The following CAND1 variants were observed in gnomAD, a reference collection of about 807,000 sequenced individuals.
The protein encoded by CAND1 is cullin associated and neddylation dissociated 1.
In CAND1, 7 loss-of-function variants were observed where a neutral mutation model predicts 108.5. The ratio of observed to expected loss-of-function variants is 0.06; its 90% confidence interval spans 0.04 to 0.12. The LOEUF is 0.12. CAND1 is among the 10% of genes least tolerant of loss of function. The probability of loss-of-function intolerance (pLI) is 1.00; values close to 1 mark genes in which losing one functional copy is unlikely to be tolerated. For missense variants in CAND1, 941 were observed against 1,448.7 expected, an observed-to-expected ratio of 0.65 and a Z score of 5.69; for synonymous variants, 534 against 512.0, an observed-to-expected ratio of 1.04 and a Z score of -0.58.
Position 67,277,412 on chromosome 12 carries a change from G to A in CAND1, c.69-4498G>A, listed in dbSNP as rs76785613. Among the ~76,000 whole-genome samples the A allele has an allele frequency of 2.7e-3, 406 of 152,216 alleles. 1 individual carries two copies. The highest frequency in any genetic ancestry group is 9.5e-3 in the African/African-American group (396 of 41,534). The stretch of plus-strand genomic sequence containing the variant: ...TAACATTGAATTCACAGCCAATAAA[G>A]AAGCTTATCTAACACATATGTTTTT... On this transcript the variant is annotated intron_variant, in intron 1 of 14. Coordinates refer to ENST00000545606, the MANE Select transcript of CAND1 (RefSeq NM_018448.5).
At chr12:67,304,223 C>G (rs543117376) in intron 8 of CAND1, among the ~76,000 whole-genome samples, 1 of 152,142 alleles carries the variant, frequency 6.6e-6, no homozygotes, top group South Asian at 2.1e-4. Flanking sequence ...TTCTTGACCT[C>G]GTGATCTGCC....
At chr12:67,291,162 C>T (rs182590020) in intron 2 of CAND1, among the ~76,000 whole-genome samples, 20 of 152,308 alleles carry the variant, frequency 1.3e-4, no homozygotes, top group Admixed American at 7.2e-4. Context: ...GACTTTCCTC[C>T]ATCCTCAAGA....
rs2044970724 is a variant in CAND1, at chr12:67,313,146, G to A, written c.*316G>A. 5.5e-6 allele frequency: 1 copy of A among 182,524 alleles called. No homozygotes were observed. The highest frequency in any genetic ancestry group is 6.2e-5 in the Admixed American group (1 of 16,164). The allele number at this position is 182,524 out of a possible 1,614,324, so 11.3% of individuals were successfully genotyped here. On this transcript the variant is annotated 3_prime_UTR_variant, in exon 15 of 15. Coordinates refer to ENST00000545606, the MANE Select transcript of CAND1 (RefSeq NM_018448.5). ...GTCCAGTATCTATTTACCCTGTAAT[G>A]TTTAGGATTAAAATGTTAAAATTTT...
chr12:67,276,486 TAAGGAAGTG>T (rs2044570621), intron 1 of CAND1, among the ~76,000 whole-genome samples: 1 of 152,158 alleles, frequency 6.6e-6, no homozygotes, highest in Admixed American at 6.5e-5. Flanking sequence ...GGAAAGAGTC[TAAGGAAGTG>T]AAGCCTTGCT....
Position 67,309,190 on chromosome 12 carries a change from T to C in CAND1, c.3026-711T>C, listed in dbSNP as rs75214360. Reference sequence around the variant, plus strand: ...TGCACAAAATCATACATTTAACAAGTAAAATGATTTGAACCACCAACCATG... The same window carrying C: ...TGCACAAAATCATACATTTAACAAGCAAAATGATTTGAACCACCAACCATG... On this transcript the variant is annotated intron_variant, in intron 11 of 14. Coordinates refer to ENST00000545606, the MANE Select transcript of CAND1 (RefSeq NM_018448.5). 7.4e-3 allele frequency among the ~76,000 whole-genome samples: 1,123 copies of C among 152,124 alleles called. 22 individuals carry two copies. The highest frequency in any genetic ancestry group is 0.025 in the African/African-American group (1,057 of 41,546).
At chr12:67,299,143 A>G in intron 7 of CAND1, 48 bp downstream of exon 7, 1 of 1,449,670 alleles carries the variant, frequency 6.9e-7, no homozygotes, top group Non-Finnish European at 9.1e-7. Context: ...AAAGACACTT[A>G]TAGATGGAGA....
rs528695172 is a variant in CAND1, at chr12:67,318,924, C to G, written c.*6094C>G. On this transcript the variant is annotated 3_prime_UTR_variant, in exon 15 of 15. Transcript: ENST00000545606. ...GAGATGAAATGTCTTGAGGAATGAG[C>G]TCTTAGAAGAATAGTTTTCAAATGA... 2.4e-4 allele frequency: 37 copies of G among 152,290 alleles called. No individual in the cohort carries two copies. The highest frequency in any genetic ancestry group is 8.2e-4 in the African/African-American group (34 of 41,548). 9.4% of individuals were successfully genotyped at this position (152,290 alleles called of 1,614,324 possible).
chr12:67,279,032 A>C (rs2044595946), intron 1 of CAND1, among the ~76,000 whole-genome samples: 1 of 152,156 alleles, frequency 6.6e-6, no homozygotes, highest in South Asian at 2.1e-4. Context: ...GGTTCTTATT[A>C]CACAGTGTAT....
rs186321967 is a variant in CAND1 at position 67,291,097 on chromosome 12, G to A, written c.213-1525G>A. 1.9e-4 allele frequency among the ~76,000 whole-genome samples: 29 copies of A among 152,268 alleles called. No homozygotes were observed. In the East Asian group the frequency reaches 5.6e-3, roughly 29 times the overall value. On this transcript the variant is annotated intron_variant, in intron 2 of 14. Transcript: ENST00000545606. ...AATGGTTGGGAACTGCTGTCTTAAT[G>A]AGATTCATGTACCAAACTTACCTAC...
In CAND1 at chr12:67,312,800, T is replaced by C. The variant is rs140282604; in HGVS notation, c.3663T>C (p.Ser1221=). ...AAAGTATCCAGAAAGATTCATCATC[T>C]ACTAACTTGGAATCAATGGACACTA... ...IFESIQKDSS[S]TNLESMDTS is the part of the protein sequence containing the mutation. The change falls in exon 15 of 15, where the codon TCT becomes TCC. Residue 1221 remains serine, a synonymous_variant. Transcript: ENST00000545606. The C allele has an allele frequency of 4.3e-6, 7 of 1,612,794 alleles. No homozygotes were observed. In the African/African-American group the frequency reaches 8.0e-5, roughly 18 times the overall value.
chr12:67,279,970 G>A (rs1207159117), intron 1 of CAND1, among the ~76,000 whole-genome samples: 3 of 152,164 alleles, frequency 2.0e-5, no homozygotes, highest in Non-Finnish European at 2.9e-5. Context: ...AGTACTTTGT[G>A]TGCAGGAGTG....
chr12:67,301,669 T>C (rs560324613), intron 7 of CAND1, among the ~76,000 whole-genome samples: 141 of 152,322 alleles, frequency 9.3e-4, no homozygotes, highest in Non-Finnish European at 1.5e-3. Flanking sequence ...CTTGGTATAA[T>C]TAAGCAAAAA....
intron 1 of CAND1, 178 bp downstream of exon 1, chr12:67,269,963 T>G: frequency 1.8e-6 from 1 of 551,520 alleles, no homozygotes; most frequent in Non-Finnish European, 3.2e-6. Flanking sequence ...CTCTCCCCTC[T>G]TGCAACCCCC....
chr12:67,301,037 TA>T (rs2044820151), intron 7 of CAND1, among the ~76,000 whole-genome samples: 1 of 152,188 alleles, frequency 6.6e-6, no homozygotes, highest in Admixed American at 6.6e-5. Context: ...TAATTTTTTA[TA>T]ATCTTGTTTT....
At chr12:67,269,849 C>T in intron 1 of CAND1, 64 bp downstream of exon 1, 2 of 1,421,602 alleles carry the variant, frequency 1.4e-6, no homozygotes, top group Non-Finnish European at 1.9e-6. Context: ...CTGGCCGTCA[C>T]GCAGGCCTTG....
chr12:67,302,323 G>A lies in CAND1; in HGVS notation c.1001G>A (p.Gly334Glu), dbSNP rs757635431. Residue 334 changes from glycine to glutamate, a missense_variant and splice_region_variant, in exon 8 of 15, where the codon GGG becomes GAG. This residue lies in a region of CAND1 where 697 missense variants were observed against 942.0 expected (regional missense o/e 0.74). Coordinates refer to ENST00000545606, the MANE Select transcript of CAND1 (RefSeq NM_018448.5). ...TGTTTACATTAAAACTTACCCTTAGGGAGTGATGATGAATACAGTGATGAT... is the reference window on the plus strand; with the variant it reads ...TGTTTACATTAAAACTTACCCTTAGAGAGTGATGATGAATACAGTGATGAT... ...DADGGDDDDQ[G>E]SDDEYSDDDD... 3.1e-6 allele frequency: 5 copies of A among 1,611,168 alleles called. No individual in the cohort carries two copies. The highest frequency in any genetic ancestry group is 4.2e-6 in the Non-Finnish European group (5 of 1,178,714).
At chr12:67,309,189 G>A (rs1195858734) in intron 11 of CAND1, among the ~76,000 whole-genome samples, 1 of 151,944 alleles carries the variant, frequency 6.6e-6, no homozygotes, top group Non-Finnish European at 1.5e-5. Flanking sequence ...CATTTAACAA[G>A]TAAAATGATT....
At chr12:67,300,674 T>G (rs2136012680) in intron 7 of CAND1, among the ~76,000 whole-genome samples, 1 of 152,284 alleles carries the variant, frequency 6.6e-6, no homozygotes, top group African/African-American at 2.4e-5. Context: ...CTGTAATTGA[T>G]GGTCTCCTAC....
intron 8 of CAND1, among the ~76,000 whole-genome samples, chr12:67,303,874 A>G (rs964359627): frequency 2.0e-5 from 3 of 152,168 alleles, no homozygotes; most frequent in Non-Finnish European, 2.9e-5. Flanking sequence ...TTGCTTTTCC[A>G]TAATTTGTCT....
Sources: allele counts gnomAD v4.1 joint callset (sites outside exome capture counted in the v4.1 genomes callset), GRCh38; gene constraint gnomAD v4.1.1; regional missense constraint gnomAD v4.1.1; transcripts MANE v1.5; gene names NCBI Gene and HGNC (gene_info 2026-07-23, HGNC 2026-07-21).